The following GRM7 variants were observed in gnomAD, a reference collection of about 807,000 sequenced individuals.
GRM7 encodes glutamate metabotropic receptor 7, also known as metabotropic glutamate receptor 7.
A neutral mutation model predicts 84.5 loss-of-function variants in GRM7; 35 were observed. The ratio of observed to expected loss-of-function variants is 0.41; its 90% CI spans 0.32 to 0.55. GRM7 has a LOEUF of 0.55. Ranked by LOEUF, GRM7 falls within the 20% of genes least tolerant of loss-of-function variation. GRM7 has a pLI of 0.19. For missense variants in GRM7, 1,003 were observed against 1,194.6 expected (o/e 0.84, Z 2.36); for synonymous variants, 487 against 455.1 (o/e 1.07, Z -0.89).
Position 7,100,075 on chromosome 3 carries a change from C to T in GRM7, c.520-46377C>T, listed in dbSNP as rs116334567. ...ATAATATATATGTAATTTACTTTCC[C>T]CACAGAAGATCGTAGGCACTGACTC... is the stretch of plus-strand genomic sequence containing the variant. On this transcript the variant is annotated intron_variant, in intron 1 of 9. Coordinates refer to ENST00000357716, the MANE Select transcript of GRM7 (RefSeq NM_000844.4). Among the ~76,000 whole-genome samples, 1,449 of 150,622 alleles carry T rather than the reference C, an allele frequency of 9.6e-3. 16 individuals carry two copies. The highest frequency in any genetic ancestry group is 0.033 in the African/African-American group (1,349 of 41,152).
intron 7 of GRM7, among the ~76,000 whole-genome samples, chr3:7,547,153 G>GCA (rs1367929845): frequency 6.7e-6 from 1 of 150,206 alleles, no homozygotes; most frequent in East Asian, 2.0e-4. Context: ...GAAAGCCCCG[G>GCA]CACAGTGGCC....
intron 1 of GRM7, among the ~76,000 whole-genome samples, chr3:6,997,745 T>C (rs949166914): frequency 6.6e-6 from 1 of 152,074 alleles, no homozygotes; most frequent in African/African-American, 2.4e-5. Flanking sequence ...TTCCCCAAAG[T>C]CTTAACTCAT....
intron 2 of GRM7, among the ~76,000 whole-genome samples, chr3:7,286,571 T>C (rs1296173954): frequency 1.3e-5 from 2 of 152,206 alleles, no homozygotes; most frequent in Admixed American, 6.5e-5. Flanking sequence ...GAATATGTAA[T>C]GACAGAGGTG....
At chr3:7,639,339 A>C (rs1375343847) in intron 8 of GRM7, among the ~76,000 whole-genome samples, 1 of 152,190 alleles carries the variant, frequency 6.6e-6, no homozygotes, top group Non-Finnish European at 1.5e-5. Flanking sequence ...TCCCTTACCC[A>C]AAAACATTTA....
chr3:7,348,102 C>T (rs974342487), intron 4 of GRM7, among the ~76,000 whole-genome samples: 2 of 152,094 alleles, frequency 1.3e-5, no homozygotes, highest in African/African-American at 4.8e-5. Flanking sequence ...GGACTCCTTC[C>T]GTGTCCTTAG....
chr3:7,336,800 T>G (rs1354631160), intron 4 of GRM7, among the ~76,000 whole-genome samples: 1 of 151,422 alleles, frequency 6.6e-6, no homozygotes, highest in Non-Finnish European at 1.5e-5. Flanking sequence ...ACAACAGCTG[T>G]AAATCTATAT....
chr3:6,957,433 C>G (rs142796587), intron 1 of GRM7, among the ~76,000 whole-genome samples: 1 of 152,206 alleles, frequency 6.6e-6, no homozygotes, highest in Non-Finnish European at 1.5e-5. Context: ...ATCTGCAAAA[C>G]GCTCCCTCTG....
chr3:7,338,144 C>A (rs867948126), intron 4 of GRM7, among the ~76,000 whole-genome samples: 1 of 131,180 alleles, frequency 7.6e-6, no homozygotes, highest in African/African-American at 3.2e-5. Context: ...ACACACACAC[C>A]CCATGGAATA....
chr3:6,910,875 G>A (rs1276663161), intron 1 of GRM7, among the ~76,000 whole-genome samples: 1 of 152,046 alleles, frequency 6.6e-6, no homozygotes, highest in Non-Finnish European at 1.5e-5. Flanking sequence ...CTTAGTCATG[G>A]AGGAGCACTG....
intron 1 of GRM7, among the ~76,000 whole-genome samples, chr3:6,898,883 G>A (rs1382514288): frequency 6.6e-6 from 1 of 152,088 alleles, no homozygotes; most frequent in Non-Finnish European, 1.5e-5. Context: ...TAAGACCTTG[G>A]TGAAGCTGGG....
intron 1 of GRM7, among the ~76,000 whole-genome samples, chr3:7,132,178 C>A (rs979782007): frequency 6.6e-6 from 1 of 152,118 alleles, no homozygotes; most frequent in South Asian, 2.1e-4. Flanking sequence ...GACTGGTGCC[C>A]CCCCAACAAT....
intron 7 of GRM7, among the ~76,000 whole-genome samples, chr3:7,548,389 C>T (rs1331437869): frequency 1.3e-5 from 2 of 152,204 alleles, no homozygotes; most frequent in Non-Finnish European, 2.9e-5. Context: ...AGAAGCCAAG[C>T]AGGTGCTAGT....
chr3:7,248,321 A>G (rs1697851055), intron 2 of GRM7, among the ~76,000 whole-genome samples: 1 of 152,206 alleles, frequency 6.6e-6, no homozygotes, highest in South Asian at 2.1e-4. Flanking sequence ...ACAACTGTAT[A>G]GATGAATCTT....
intron 2 of GRM7, among the ~76,000 whole-genome samples, chr3:7,211,658 A>T (rs1696432492): frequency 6.6e-6 from 1 of 151,804 alleles, no homozygotes; most frequent in African/African-American, 2.4e-5. Context: ...CAACCAAAAA[A>T]AAAAAAAAAA....
At chr3:7,312,798 A>G (rs569765209) in intron 4 of GRM7, among the ~76,000 whole-genome samples, 6 of 152,228 alleles carry the variant, frequency 3.9e-5, no homozygotes, top group African/African-American at 1.4e-4. Context: ...TAGGGCAACT[A>G]TATAACATTT....
At chr3:7,693,846 A>G (rs892309408) in intron 9 of GRM7, 1 of 544,194 alleles carries the variant, frequency 1.8e-6, no homozygotes, top group Non-Finnish European at 3.3e-6. Context: ...TAAAAGTCCA[A>G]CATAATTAAG....
At chr3:7,310,482 C>A (rs562733153) in intron 4 of GRM7, among the ~76,000 whole-genome samples, 1 of 152,200 alleles carries the variant, frequency 6.6e-6, no homozygotes, top group South Asian at 2.1e-4. Context: ...TTTAGATATG[C>A]CCTACTTTAG....
intron 1 of GRM7, among the ~76,000 whole-genome samples, chr3:7,113,827 T>C (rs998082771): frequency 1.3e-5 from 2 of 152,130 alleles, no homozygotes; most frequent in Non-Finnish European, 2.9e-5. Flanking sequence ...ATGGCCGAAG[T>C]GAAAATAGCA....
chr3:7,705,024 C>T (rs1212059815), intron 9 of GRM7, among the ~76,000 whole-genome samples: 1 of 152,126 alleles, frequency 6.6e-6, no homozygotes, highest in Admixed American at 6.5e-5. Flanking sequence ...GCTGGCTAGA[C>T]ATGATAAGCA....
Sources: gnomAD v4.1 joint callset for allele counts (sites outside exome capture counted in the v4.1 genomes callset) on GRCh38, gnomAD v4.1.1 for gene constraint, MANE v1.5 for transcripts, NCBI Gene and HGNC (gene_info 2026-07-23, HGNC 2026-07-21) for gene names.